Variants in TSHZ2 observed in about 807,000 individuals in gnomAD.
The protein encoded by TSHZ2 is teashirt zinc finger homeobox 2.
TSHZ2 carries 21 observed loss-of-function variants against 74.4 expected under a neutral mutation model. The ratio of observed to expected loss-of-function variants is 0.28; its 90% CI spans 0.20 to 0.41. TSHZ2 has a LOEUF of 0.41. Ranked by LOEUF, TSHZ2 falls within the 10% of genes least tolerant of loss-of-function variation. The pLI is 1.00. For synonymous variants in TSHZ2, 540 were observed against 515.3 expected, an observed-to-expected ratio of 1.05 and a Z score of -0.65; for missense variants, 1,244 against 1,293.5, an observed-to-expected ratio of 0.96 and a Z score of 0.59.
intron 2 of TSHZ2, among the ~76,000 whole-genome samples, chr20:53,320,091 C>T (rs187768284): frequency 1.8e-3 from 280 of 152,332 alleles, no homozygotes; most frequent in Middle Eastern, 3.4e-3. Context: ...TCACTGCCAA[C>T]ACTGCCATCA....
intron 1 of TSHZ2, among the ~76,000 whole-genome samples, chr20:53,001,890 G>A (rs1217696578): frequency 1.3e-5 from 2 of 152,198 alleles, no homozygotes; most frequent in Admixed American, 6.5e-5. Context: ...CTGCTTGGAT[G>A]ATATTTCACT....
rs1981169214 is a variant in TSHZ2, at chr20:52,972,826, C to T, written c.-468C>T. On this transcript the variant is annotated 5_prime_UTR_variant, in exon 1 of 3. Coordinates refer to ENST00000371497, the MANE Select transcript of TSHZ2 (RefSeq NM_173485.6). Reference sequence around the variant, plus strand: ...AAACCCACTACCTTCCCAGGATTGCCTTTTTTTTTTCCTTATCTTTACGCG... The same window carrying T: ...AAACCCACTACCTTCCCAGGATTGCTTTTTTTTTTTCCTTATCTTTACGCG... 1.1e-5 allele frequency: 2 copies of T among 175,392 alleles called. No individual in the cohort carries two copies. Among genetic ancestry groups the T allele is most frequent in the Admixed American group, 7.1e-5 (1 of 14,136 alleles). 10.9% of individuals were successfully genotyped at this position (175,392 alleles called of 1,614,324 possible). A position where few individuals can be genotyped will look rare whatever the true frequency, so the allele number is the denominator to read the frequency against.
At chr20:53,232,244 T>C (rs1159913849) in intron 1 of TSHZ2, among the ~76,000 whole-genome samples, 1 of 152,180 alleles carries the variant, frequency 6.6e-6, no homozygotes, top group Non-Finnish European at 1.5e-5. Context: ...TATCTCTTTA[T>C]AAAACAAACA....
chr20:53,352,536 G>A (rs1482346324), intron 2 of TSHZ2, among the ~76,000 whole-genome samples: 1 of 151,996 alleles, frequency 6.6e-6, no homozygotes, highest in Non-Finnish European at 1.5e-5. Context: ...CACTTTGGGA[G>A]GCCAAGGTGA....
rs955855197 is a variant in TSHZ2 at position 53,268,884 on chromosome 20, C to T, written c.*8+12313C>T. Among the ~76,000 whole-genome samples the T allele has an allele frequency of 7.2e-5, 11 of 152,324 alleles. No individual in the cohort carries two copies. The East Asian group carries it at 2.1e-3, about 29-fold the overall frequency. The stretch of plus-strand genomic sequence containing the variant: ...CTTCGGGGTCAGACACACCTGGGTT[C>T]AAATCCCAGCAGGGCCACTTACTGT... On this transcript the variant is annotated intron_variant, in intron 2 of 2. Coordinates refer to ENST00000371497, the MANE Select transcript of TSHZ2 (RefSeq NM_173485.6).
In TSHZ2 at chr20:53,174,439, G is replaced by A. The variant is rs568706094; in HGVS notation, c.41-79060G>A. 7.2e-5 allele frequency among the ~76,000 whole-genome samples: 11 copies of A among 152,300 alleles called. No homozygotes were observed. The South Asian group carries it at 8.3e-4, about 11-fold the overall frequency. On this transcript the variant is annotated intron_variant, in intron 1 of 2. Coordinates refer to ENST00000371497, the MANE Select transcript of TSHZ2 (RefSeq NM_173485.6). ...AAAGCAACCCTTCATAGGCCATGTCGAATAAGTTCCAGCATTTTTAATTAA... is the reference window on the plus strand; with the variant it reads ...AAAGCAACCCTTCATAGGCCATGTCAAATAAGTTCCAGCATTTTTAATTAA...
At chr20:53,458,028 G>C (rs2145802881) in intron 2 of TSHZ2, among the ~76,000 whole-genome samples, 1 of 152,078 alleles carries the variant, frequency 6.6e-6, no homozygotes, top group African/African-American at 2.4e-5. Flanking sequence ...CTCTTTTTTG[G>C]TTGAGTCTCT....
chr20:53,259,580 C>T (rs1990559623), intron 2 of TSHZ2, among the ~76,000 whole-genome samples: 1 of 152,172 alleles, frequency 6.6e-6, no homozygotes, highest in African/African-American at 2.4e-5. Flanking sequence ...AGTGTACAAG[C>T]TTAACAGCAC....
intron 1 of TSHZ2, among the ~76,000 whole-genome samples, chr20:53,043,546 TAAAAA>T (rs550659829): frequency 6.7e-6 from 1 of 149,888 alleles, no homozygotes; most frequent in African/African-American, 2.4e-5. Flanking sequence ...ATCTTGCACT[TAAAAA>T]AAAAATCTCT....
At chr20:53,421,705 T>G (rs1983477688) in intron 2 of TSHZ2, 1 of 110,970 alleles carries the variant, frequency 9.0e-6, no homozygotes, top group African/African-American at 3.8e-5. Context: ...TTTTTTTTTT[T>G]GAGACGGAGC....
intron 1 of TSHZ2, among the ~76,000 whole-genome samples, chr20:53,004,054 C>T (rs1982544155): frequency 6.6e-6 from 1 of 151,954 alleles, no homozygotes; most frequent in African/African-American, 2.4e-5. Context: ...CAGGCGAAAC[C>T]CTATAGAGGA....
chr20:53,290,982 G>T (rs1162068214), intron 2 of TSHZ2, among the ~76,000 whole-genome samples: 2 of 152,192 alleles, frequency 1.3e-5, no homozygotes, highest in Non-Finnish European at 2.9e-5. Flanking sequence ...TACAGAATCT[G>T]AAATATTTAC....
intron 1 of TSHZ2, among the ~76,000 whole-genome samples, chr20:53,069,362 G>C (rs190081392): frequency 2.6e-5 from 4 of 152,064 alleles, no homozygotes; most frequent in Admixed American, 6.6e-5. Context: ...CCCCTCCACC[G>C]TTGGGGGAGG....
At chr20:53,007,686 C>T (rs113638433) in intron 1 of TSHZ2, among the ~76,000 whole-genome samples, 156 of 147,690 alleles carry the variant, frequency 1.1e-3, no homozygotes, top group African/African-American at 3.4e-3. Flanking sequence ...TATGTATATG[C>T]GTGTGTGGTG....
intron 2 of TSHZ2, among the ~76,000 whole-genome samples, chr20:53,386,652 G>A (rs928322913): frequency 6.6e-6 from 1 of 152,180 alleles, no homozygotes; most frequent in African/African-American, 2.4e-5. Context: ...CGTTGCCTTT[G>A]GGGTACCGGG....
chr20:53,185,593 T>C (rs2010156), intron 1 of TSHZ2: 889,931 of 1,527,274 alleles, frequency 0.58, 267,005 homozygotes, highest in East Asian at 0.86. Context: ...GCACTCCAGC[T>C]GGGGATACAG....
chr20:53,269,323 A>T (rs1302496314), intron 2 of TSHZ2, among the ~76,000 whole-genome samples: 2 of 151,760 alleles, frequency 1.3e-5, no homozygotes, highest in Non-Finnish European at 2.9e-5. Flanking sequence ...GAGAGATTGT[A>T]AGTATAGATT....
chr20:53,127,739 C>T (rs1986988222), intron 1 of TSHZ2, among the ~76,000 whole-genome samples: 1 of 152,106 alleles, frequency 6.6e-6, no homozygotes, highest in Admixed American at 6.5e-5. Context: ...AACTGTGAGG[C>T]AGAGTATTTA....
At chr20:53,411,271 G>C (rs1233027214) in intron 2 of TSHZ2, among the ~76,000 whole-genome samples, 1 of 152,170 alleles carries the variant, frequency 6.6e-6, no homozygotes, top group African/African-American at 2.4e-5. Context: ...GGGGCCTCCA[G>C]TCTCAACTCA....
Sources: allele counts gnomAD v4.1 joint callset (sites outside exome capture counted in the v4.1 genomes callset), GRCh38; gene constraint gnomAD v4.1.1; transcripts MANE v1.5; gene names NCBI Gene and HGNC (gene_info 2026-07-23, HGNC 2026-07-21).